Variants in TMEM255A observed in about 807,000 individuals in gnomAD.
TMEM255A encodes transmembrane protein 255A.
TMEM255A carries 14 observed loss-of-function variants against 23.5 expected under a neutral mutation model. The ratio of observed to expected loss-of-function variants is 0.60; its 90% CI spans 0.39 to 0.93. The LOEUF (loss-of-function observed/expected upper bound fraction) is 0.93. Among genes scored for constraint, TMEM255A ranks in the 40% least tolerant of loss-of-function variants. TMEM255A has a pLI of 0.00. For synonymous variants in TMEM255A, 104 were observed against 100.3 expected, an observed-to-expected ratio of 1.04 and a Z score of -0.22; for missense variants, 233 against 261.7, an observed-to-expected ratio of 0.89 and a Z score of 0.76.
At chrX:120,288,322 C>A (rs1488931684) in intron 4 of TMEM255A, among the ~76,000 whole-genome samples, 6 of 112,079 alleles carry the variant, frequency 5.4e-5, no homozygotes, top group African/African-American at 1.9e-4. Context: ...GAAACTCCTG[C>A]CTGCTCAATG....
rs782495595 is a variant in TMEM255A at position 120,259,166 on chromosome X, T to C, written c.*1704A>G. 29 of 112,657 alleles carry C rather than the reference T, an allele frequency of 2.6e-4. No homozygotes were observed. The highest frequency in any genetic ancestry group is 7.4e-4 in the African/African-American group (23 of 30,926). The allele number at this position is 112,657 out of a possible 1,213,427, so 9.3% of individuals were successfully genotyped here. On this transcript the variant is annotated 3_prime_UTR_variant, in exon 9 of 9. Coordinates refer to ENST00000371369, the MANE Select transcript of TMEM255A (RefSeq NM_001104544.3). ...CAAATGTAAATGGCAAAAAAATTCA[T>C]TGAGTATTACAAGTTGATATTTGTT...
At position 120,287,205 on chromosome X, in the gene TMEM255A, G is replaced by A. The variant is rs782403274; in HGVS notation, c.372C>T (p.Tyr124=). 9 of 1,207,511 alleles carry A rather than the reference G, an allele frequency of 7.5e-6. No homozygotes were observed. Among genetic ancestry groups the A allele is most frequent in the East Asian group, 3.0e-5 (1 of 33,713 alleles). ...AARHIDLKPL[Y]ANRCHYVPKT... is the part of the protein sequence containing the mutation. ...TGGGAACATAATGGCACCGGTTAGC[G>A]TAGAGTGGTTTCAGATCCTGAAAAG... Residue 124 remains tyrosine (Y), a synonymous_variant, in exon 5 of 9, where the codon TAC becomes TAT. Transcript: ENST00000371369.
chrX:120,281,631 C>T (rs1556020917), intron 6 of TMEM255A, among the ~76,000 whole-genome samples: 1 of 112,858 alleles, frequency 8.9e-6, no homozygotes, highest in Non-Finnish European at 1.9e-5. Flanking sequence ...CAGCCCCTAG[C>T]ACATAGTAGG....
intron 6 of TMEM255A, among the ~76,000 whole-genome samples, chrX:120,282,578 TGGGGCCA>T (rs1301470859): frequency 8.9e-6 from 1 of 111,946 alleles, no homozygotes; most frequent in African/African-American, 3.3e-5. Flanking sequence ...AGCCCTGTGC[TGGGGCCA>T]GGGAAGTATA....
At chrX:120,291,762 A>G (rs1195125430) in intron 3 of TMEM255A, among the ~76,000 whole-genome samples, 1 of 108,342 alleles carries the variant, frequency 9.2e-6, no homozygotes, top group Middle Eastern at 4.7e-3. Context: ...CAGGGTCTCC[A>G]TCTAGTCTGT....
intron 2 of TMEM255A, among the ~76,000 whole-genome samples, 180 bp downstream of exon 2, chrX:120,304,169 T>G (rs1456311720): frequency 1.8e-5 from 2 of 112,382 alleles, no homozygotes; most frequent in African/African-American, 6.5e-5. Flanking sequence ...CTTCTGATTC[T>G]CAGTCCAGTG....
intron 2 of TMEM255A, among the ~76,000 whole-genome samples, chrX:120,300,424 G>A (rs1465979846): frequency 9.0e-6 from 1 of 110,908 alleles, no homozygotes; most frequent in African/African-American, 3.3e-5. Context: ...ACCTCGATCT[G>A]TCACCCAGGC....
intron 7 of TMEM255A, among the ~76,000 whole-genome samples, chrX:120,276,563 G>C (rs1278656283): frequency 1.8e-5 from 2 of 111,915 alleles, no homozygotes; most frequent in Non-Finnish European, 3.8e-5. Flanking sequence ...TTTACTAAAA[G>C]TGTGGGGTGG....
chrX:120,272,125 T>C (rs2057765375), intron 7 of TMEM255A, among the ~76,000 whole-genome samples: 1 of 111,667 alleles, frequency 9.0e-6, no homozygotes, highest in South Asian at 3.8e-4. Context: ...GCTCTGAAGC[T>C]CAGTGTGGGG....
chrX:120,304,592 G>A (rs956038972), intron 1 of TMEM255A, 101 bp from the exon 2 acceptor site: 36 of 910,971 alleles, frequency 4.0e-5, no homozygotes, highest in Non-Finnish European at 4.8e-5. Context: ...TATTCCTACC[G>A]GTAACTGAAG....
rs1428540356 is a variant in TMEM255A at position 120,259,354 on chromosome X, A to G, written c.*1516T>C. ...TTCATGATGCTGAAAGTTAAACTGA[A>G]TATCTTGCAAACATTTACTGTTAAT... On this transcript the variant is annotated 3_prime_UTR_variant, in exon 9 of 9. Coordinates refer to ENST00000371369, the MANE Select transcript of TMEM255A (RefSeq NM_001104544.3). 2 of 112,511 alleles carry G rather than the reference A, an allele frequency of 1.8e-5. No homozygotes were observed. 9.3% of individuals were successfully genotyped at this position (112,511 alleles called of 1,213,427 possible).
At position 120,285,558 on chromosome X, in the gene TMEM255A, A is replaced by C. The variant is rs1480928294; in HGVS notation, c.424-343T>G. The C allele has an allele frequency of 4.2e-6, 5 of 1,190,390 alleles. No individual in the cohort carries two copies. In the Admixed American group the frequency reaches 1.1e-4, roughly 26 times the overall value. ...AGGGCAGGCAAAATCAGGGTACAGG[A>C]GGAAAGAAGATAAGGTGGGAAGGAA... is the stretch of plus-strand genomic sequence containing the variant. On this transcript the variant is annotated intron_variant, in intron 5 of 8. Transcript: ENST00000371369.
chrX:120,260,853 C>T lies in TMEM255A; in HGVS notation c.*17G>A. ...ACAAAAGCCACAATAATCTCAATAG[C>T]CAGCAGGCATTCCTCTTTAGGGACT... On this transcript the variant is annotated 3_prime_UTR_variant, in exon 9 of 9. Coordinates refer to ENST00000371369, the MANE Select transcript of TMEM255A (RefSeq NM_001104544.3). The T allele has an allele frequency of 2.5e-6, 3 of 1,202,915 alleles. No individual in the cohort carries two copies. Among genetic ancestry groups the T allele is most frequent in the Non-Finnish European group, 3.4e-6 (3 of 892,310 alleles).
the TMEM255A span, chrX:120,253,582 A>C: frequency 8.3e-7 from 1 of 1,212,033 alleles, no homozygotes; most frequent in Non-Finnish European, 1.1e-6. Context: ...TCTAGTACCT[A>C]CTTCCATCAG....
chrX:120,298,685 A>T (rs782203634), intron 2 of TMEM255A, among the ~76,000 whole-genome samples: 1 of 111,513 alleles, frequency 9.0e-6, no homozygotes, highest in Non-Finnish European at 1.9e-5. Flanking sequence ...GAAGGGATTG[A>T]GGGCCTATAT....
chrX:120,273,270 A>G, intron 7 of TMEM255A: 1 of 258,582 alleles, frequency 3.9e-6, no homozygotes, highest in Non-Finnish European at 7.5e-6. Context: ...AAACAACTCC[A>G]CAATTTAGAA....
Position 120,304,963 on chromosome X carries a change from C to T in TMEM255A, c.59-472G>A, listed in dbSNP as rs782566992. ...GAAATTTCATTTTCAGTGTAAATAT[C>T]ACAGCCAAGCCAAGTTACTGGGATT... On this transcript the variant is annotated intron_variant, in intron 1 of 8. Coordinates refer to ENST00000371369, the MANE Select transcript of TMEM255A (RefSeq NM_001104544.3). 3.6e-5 allele frequency among the ~76,000 whole-genome samples: 4 copies of T among 111,746 alleles called. No individual in the cohort carries two copies. In the East Asian group the frequency reaches 1.1e-3, roughly 31 times the overall value.
chrX:120,281,885 A>T, intron 6 of TMEM255A, among the ~76,000 whole-genome samples: 1 of 111,841 alleles, frequency 8.9e-6, no homozygotes. Flanking sequence ...GGCTAAATAG[A>T]ATAATCTATG....
chrX:120,265,168 G>C (rs1348668930), intron 8 of TMEM255A, among the ~76,000 whole-genome samples: 2 of 112,109 alleles, frequency 1.8e-5, no homozygotes, highest in Non-Finnish European at 3.8e-5. Flanking sequence ...GAGCCACCGC[G>C]CCTGGCTGAC....
Sources: gnomAD v4.1 joint callset for allele counts (sites outside exome capture counted in the v4.1 genomes callset) on GRCh38, gnomAD v4.1.1 for gene constraint, MANE v1.5 for transcripts, NCBI Gene and HGNC (gene_info 2026-07-23, HGNC 2026-07-21) for gene names.